Variants in CASP8 observed in about 807,000 individuals in gnomAD.
CASP8 encodes caspase 8.
CASP8 carries 24 observed loss-of-function variants against 46.3 expected under a neutral mutation model. The ratio of observed to expected loss-of-function variants is 0.52; its 90% confidence interval spans 0.38 to 0.73. The LOEUF is 0.73. CASP8 is among the 30% of genes least tolerant of loss of function. The pLI, the probability that CASP8 is intolerant of heterozygous loss-of-function variation, is 0.00. For synonymous variants in CASP8, 188 were observed against 200.4 expected (o/e 0.94, Z 0.52); for missense variants, 460 against 559.0 (o/e 0.82, Z 1.79).
chr2:201,247,483 A>AT (rs34493196), intron 2 of CASP8, among the ~76,000 whole-genome samples: 2,449 of 137,168 alleles, frequency 0.018, 20 homozygotes, highest in African/African-American at 0.026. Context: ...AGCACAACCT[A>AT]TTTTTTTTTT....
intron 2 of CASP8, among the ~76,000 whole-genome samples, chr2:201,254,252 TA>T (rs1946918183): frequency 6.6e-6 from 1 of 152,076 alleles, no homozygotes; most frequent in African/African-American, 2.4e-5. Context: ...AGCTGCAGAG[TA>T]TGCAGATTGA....
intron 2 of CASP8, among the ~76,000 whole-genome samples, chr2:201,244,517 A>G (rs548711273): frequency 3.0e-4 from 46 of 152,232 alleles, no homozygotes; most frequent in East Asian, 7.7e-4. Flanking sequence ...TCTTCCGACT[A>G]TCCTCCAGGG....
At chr2:201,279,510 T>G (rs536355471) in intron 7 of CASP8, among the ~76,000 whole-genome samples, 1 of 152,300 alleles carries the variant, frequency 6.6e-6, no homozygotes, top group African/African-American at 2.4e-5. Context: ...AATGAAATGA[T>G]CAGGTCCCCA....
intron 2 of CASP8, among the ~76,000 whole-genome samples, chr2:201,270,406 A>G (rs528860204): frequency 1.4e-4 from 21 of 152,344 alleles, no homozygotes; most frequent in Admixed American, 3.9e-4. Flanking sequence ...TCTAAAGTTA[A>G]CACTGCTCAA....
At chr2:201,242,343 G>A (rs1344067268) in intron 2 of CASP8, 1 of 152,136 alleles carries the variant, frequency 6.6e-6, no homozygotes, top group Non-Finnish European at 1.5e-5. Context: ...CTGGAGGCTA[G>A]GAAATTCAAG....
intron 2 of CASP8, among the ~76,000 whole-genome samples, chr2:201,234,873 A>T (rs190645672): frequency 6.6e-6 from 1 of 152,150 alleles, no homozygotes; most frequent in Admixed American, 6.6e-5. Context: ...TTAAGTTCCT[A>T]CTTATTATGA....
chr2:201,238,998 G>GT (rs1946177764), intron 2 of CASP8, among the ~76,000 whole-genome samples: 1 of 151,750 alleles, frequency 6.6e-6, no homozygotes, highest in African/African-American at 2.4e-5. Flanking sequence ...TCAAGCATCT[G>GT]TTTAACAAAG....
At position 201,245,252 on chromosome 2, in the gene CASP8, G is replaced by GT. The variant is rs948402184; in HGVS notation, c.-27+11151dup. Among the ~76,000 whole-genome samples, 226 of 144,044 alleles carry GT rather than the reference G, an allele frequency of 1.6e-3. 1 individual carries two copies. The highest frequency in any genetic ancestry group is 2.6e-3 in the East Asian group (13 of 5,036). 94.5% of individuals were successfully genotyped at this position (144,044 alleles called of 152,430 possible). On this transcript the variant is annotated intron_variant, in intron 2 of 6. Transcript: ENST00000264274. ...ACAAGGAGGTTTTTTATTTGTTTTT[G>GT]TTTTTTTTTTTGAGACAGAGTCTCA...
At chr2:201,283,079 T>C (rs1576376441) in intron 7 of CASP8, among the ~76,000 whole-genome samples, 2 of 56,032 alleles carry the variant, frequency 3.6e-5, no homozygotes, top group African/African-American at 5.5e-5. Flanking sequence ...ACGGGGCGGC[T>C]GGCCGGGCGG....
rs751874097 is a variant in CASP8, at chr2:201,276,922, C to T, written c.756C>T (p.Pro252=). ...TTGCAAAAGCACGGGAGAAAGTGCCCAAACTTCACAGCATTAGGGACAGGA... is the reference window on the plus strand; with the variant it reads ...TTGCAAAAGCACGGGAGAAAGTGCCTAAACTTCACAGCATTAGGGACAGGA... ...HNFAKAREKV[P]KLHSIRDRNG... The change falls in exon 7 of 9, where the codon CCC becomes CCT. Residue 252 remains proline (P), a synonymous_variant. Transcript: ENST00000673742. The T allele has an allele frequency of 1.4e-5, 22 of 1,613,796 alleles. No individual in the cohort carries two copies. Among genetic ancestry groups the T allele is most frequent in the Admixed American group, 5.0e-5 (3 of 59,990 alleles).
intron 2 of CASP8, among the ~76,000 whole-genome samples, chr2:201,249,485 A>ATAT (rs1288175561): frequency 6.6e-6 from 1 of 152,254 alleles, no homozygotes; most frequent in Admixed American, 6.5e-5. Flanking sequence ...CTGTAGTCCC[A>ATAT]GCTTATTCAT....
intron 7 of CASP8, among the ~76,000 whole-genome samples, chr2:201,277,337 G>T (rs2125326186): frequency 6.6e-6 from 1 of 152,266 alleles, no homozygotes; most frequent in East Asian, 1.9e-4. Flanking sequence ...CATTTTTACA[G>T]GTTGGGCTGT....
chr2:201,270,088 C>A (rs1054561310), intron 2 of CASP8, among the ~76,000 whole-genome samples: 3 of 152,106 alleles, frequency 2.0e-5, no homozygotes, highest in Non-Finnish European at 4.4e-5. Flanking sequence ...TTAAAGTCAA[C>A]GTGTTTTTGT....
intron 1 of CASP8, among the ~76,000 whole-genome samples, chr2:201,261,741 C>T (rs951532372): frequency 1.3e-5 from 2 of 152,128 alleles, no homozygotes; most frequent in African/African-American, 4.8e-5. Context: ...GGCCTGAGAG[C>T]GAGTGGCTTT....
At chr2:201,237,458 GGAAAA>G (rs1946104472) in intron 2 of CASP8, among the ~76,000 whole-genome samples, 1 of 139,718 alleles carries the variant, frequency 7.2e-6, no homozygotes, top group Non-Finnish European at 1.5e-5. Flanking sequence ...AAAAAAAAAA[GGAAAA>G]AAGAAAAGAA....
At chr2:201,277,105 G>T in intron 7 of CASP8, 137 bp downstream of exon 7, 1 of 681,400 alleles carries the variant, frequency 1.5e-6, no homozygotes, top group South Asian at 1.7e-5. Flanking sequence ...CCCTGTGGAG[G>T]TAAAGAACAT....
chr2:201,265,972 G>T (rs959296079), intron 1 of CASP8, among the ~76,000 whole-genome samples: 14 of 113,598 alleles, frequency 1.2e-4, no homozygotes, highest in Non-Finnish European at 2.3e-4. Context: ...TGTTTTTTTT[G>T]TTTTTTGTGT....
In CASP8 at chr2:201,266,655, A is replaced by C. The variant is rs1947845734; in HGVS notation, c.169A>C (p.Ser57Arg). Residue 57 changes from serine to arginine, a missense_variant, in exon 2 of 9, where the codon AGC becomes CGC. Ser to Arg is a moderately radical substitution (Grantham distance 110). Transcript: ENST00000673742. This position sits in a 1 kb window ranked among gnomAD's most constrained non-coding sequence, Gnocchi z 5.7. ...RLQEKRMLEE[S>R]NLSFLKELLF... is the part of the protein sequence containing the mutation. Reference sequence around the variant, plus strand: ...CCAGGAAAAGAGAATGTTGGAGGAAAGCAATCTGTCCTTCCTGAAGGAGCT... The same window carrying C: ...CCAGGAAAAGAGAATGTTGGAGGAACGCAATCTGTCCTTCCTGAAGGAGCT... The C allele has an allele frequency of 6.2e-7, 1 of 1,614,054 alleles. No homozygotes were observed. The highest frequency in any genetic ancestry group is 8.5e-7 in the Non-Finnish European group (1 of 1,180,018).
In CASP8 at chr2:201,282,822, A is replaced by AC. The variant is rs1218760542; in HGVS notation, c.803-1987dup. Among the ~76,000 whole-genome samples, 47 of 68,322 alleles carry AC rather than the reference A, an allele frequency of 6.9e-4. 3 individuals are homozygous for AC. The highest frequency in any genetic ancestry group is 1.8e-3 in the East Asian group (4 of 2,176). 44.8% of individuals were successfully genotyped at this position (68,322 alleles called of 152,430 possible). ...GGGCAGCCGGCCGGAAGGGGGGCTG[A>AC]CCCCCCCACCTCCCTCCCGGACGGG... On this transcript the variant is annotated intron_variant, in intron 7 of 8. Coordinates refer to ENST00000673742, the MANE Select transcript of CASP8 (RefSeq NM_001372051.1).
Sources: allele counts gnomAD v4.1 joint callset (sites outside exome capture counted in the v4.1 genomes callset), GRCh38; gene constraint gnomAD v4.1.1; non-coding constraint Gnocchi (gnomAD v3.1); transcripts MANE v1.5; gene names NCBI Gene and HGNC (gene_info 2026-07-23, HGNC 2026-07-21).